FAM227A: variants seen among roughly 807,000 people sequenced by gnomAD.
The protein encoded by FAM227A is protein FAM227A.
A neutral mutation model predicts 74.7 loss-of-function variants in FAM227A; 80 were observed. That is an observed-to-expected ratio of 1.07 (90% CI 0.89 to 1.29). The LOEUF (loss-of-function observed/expected upper bound fraction) is 1.29. Among genes scored for constraint, FAM227A ranks in the 50% most tolerant of loss-of-function variants. FAM227A has a pLI of 0.00. For missense variants in FAM227A, 654 were observed against 683.4 expected, an observed-to-expected ratio of 0.96 and a Z score of 0.48; for synonymous variants, 237 against 241.8, an observed-to-expected ratio of 0.98 and a Z score of 0.19.
chr22:38,612,782 C>A (rs567011267), intron 11 of FAM227A, among the ~76,000 whole-genome samples: 1 of 151,834 alleles, frequency 6.6e-6, no homozygotes, highest in African/African-American at 2.4e-5. Context: ...ACATCCAGTC[C>A]TCAGTCACAC....
chr22:38,651,431 T>C (rs915516685), intron 1 of FAM227A, among the ~76,000 whole-genome samples: 2 of 152,170 alleles, frequency 1.3e-5, no homozygotes, highest in African/African-American at 2.4e-5. Context: ...TGGAGTGCAG[T>C]GGCGCGATCT....
chr22:38,592,059 C>T (rs2090949704), intron 15 of FAM227A, among the ~76,000 whole-genome samples: 1 of 151,906 alleles, frequency 6.6e-6, no homozygotes, highest in South Asian at 2.1e-4. Flanking sequence ...AGCGATTCTC[C>T]TGCCTCAGCC....
intron 15 of FAM227A, among the ~76,000 whole-genome samples, chr22:38,596,763 T>C (rs932303938): frequency 1.3e-4 from 20 of 151,918 alleles, no homozygotes; most frequent in African/African-American, 4.8e-4. Flanking sequence ...ATAAAATTTC[T>C]GAAAAAGGCA....
rs1017304801 is a variant in FAM227A at position 38,585,232 on chromosome 22, T to G, written c.*893A>C. ...TGTCCCTAGTTGCAGTATTATTTTT[T>G]GTTTTCTTATTTCTATTTTAGATTA... is the stretch of plus-strand genomic sequence containing the variant. On this transcript the variant is annotated 3_prime_UTR_variant, in exon 17 of 17. Transcript: ENST00000535113. 6.6e-6 allele frequency: 1 copy of G among 152,250 alleles called. No homozygotes were observed. Among genetic ancestry groups the G allele is most frequent in the African/African-American group, 2.4e-5 (1 of 41,452 alleles). The allele number at this position is 152,250 out of a possible 1,614,324, so 9.4% of individuals were successfully genotyped here.
intron 4 of FAM227A, among the ~76,000 whole-genome samples, chr22:38,639,409 GAA>G (rs532672330): frequency 5.7e-5 from 6 of 105,542 alleles, no homozygotes; most frequent in Admixed American, 1.0e-4. Context: ...ACTCCGTCTC[GAA>G]AAAAAAAAAA....
chr22:38,594,595 G>A (rs2091004345), intron 15 of FAM227A, among the ~76,000 whole-genome samples: 2 of 152,246 alleles, frequency 1.3e-5, no homozygotes, highest in Middle Eastern at 3.4e-3. Flanking sequence ...CTGCATTCCT[G>A]TGGTGTTGGT....
In FAM227A at chr22:38,583,171, CTTTTTT is replaced by C; in HGVS notation, c.*2948_*2953del. 8.2e-6 allele frequency: 2 copies of C among 244,508 alleles called. No individual in the cohort carries two copies. Among genetic ancestry groups the C allele is most frequent in the African/African-American group, 2.9e-5 (1 of 34,598 alleles). The allele number at this position is 244,508 out of a possible 1,614,324, so 15.1% of individuals were successfully genotyped here. A position where few individuals can be genotyped will look rare whatever the true frequency, so the allele number is the denominator to read the frequency against. On this transcript the variant is annotated 3_prime_UTR_variant, in exon 17 of 17. Transcript: ENST00000535113. ...CACGTTCTGGTTTCAGAAGACTATACTTTTTTTTTTTTTTTTTTGAGATGGAGTTTC... is the reference window on the plus strand; with the variant it reads ...CACGTTCTGGTTTCAGAAGACTATACTTTTTTTTTTTTGAGATGGAGTTTC...
intron 7 of FAM227A, 37 bp downstream of exon 7, chr22:38,628,797 T>C: frequency 8.2e-7 from 1 of 1,220,248 alleles, no homozygotes. Context: ...GAAAAATAAC[T>C]TAAGCAAGGC....
At chr22:38,640,697 C>T (rs141514255) in intron 3 of FAM227A, among the ~76,000 whole-genome samples, 2 of 152,304 alleles carry the variant, frequency 1.3e-5, no homozygotes, top group Non-Finnish European at 2.9e-5. Flanking sequence ...TGCTAAACTG[C>T]TGTGATTACG....
chr22:38,640,882 C>T (rs1026937428), intron 3 of FAM227A, among the ~76,000 whole-genome samples: 3 of 151,998 alleles, frequency 2.0e-5, no homozygotes, highest in Admixed American at 6.6e-5. Context: ...GTGAAAGGTA[C>T]TGGGCATGTG....
Position 38,626,171 on chromosome 22 carries a change from A to G in FAM227A, c.850+9T>C. ...TCGCTTTCCCCGGTGGAAAAAAGTCACCTCTCACCTGAAATCCACAGGCTC... is the reference window on the plus strand; with the variant it reads ...TCGCTTTCCCCGGTGGAAAAAAGTCGCCTCTCACCTGAAATCCACAGGCTC... On this transcript the variant is annotated intron_variant, in intron 9 of 16. Transcript: ENST00000535113. 6.5e-7 allele frequency: 1 copy of G among 1,549,336 alleles called. No homozygotes were observed. The highest frequency in any genetic ancestry group is 8.7e-7 in the Non-Finnish European group (1 of 1,146,162).
At position 38,599,939 on chromosome 22, in the gene FAM227A, A is replaced by C; in HGVS notation, c.1222-18T>G. 6.6e-7 allele frequency: 1 copy of C among 1,525,760 alleles called. No individual in the cohort carries two copies. Among genetic ancestry groups the C allele is most frequent in the African/African-American group, 1.4e-5 (1 of 71,440 alleles). 94.5% of individuals were successfully genotyped at this position (1,525,760 alleles called of 1,614,324 possible). A position where few individuals can be genotyped will look rare whatever the true frequency, so the allele number is the denominator to read the frequency against. On this transcript the variant is annotated intron_variant, in intron 13 of 16. Transcript: ENST00000535113. The stretch of plus-strand genomic sequence containing the variant: ...GCACACGACTAAGGATGAAAGAAAA[A>C]GGAAAAATAAAGGATATTGTCATTT...
intron 3 of FAM227A, among the ~76,000 whole-genome samples, chr22:38,644,290 A>C (rs562355515): frequency 6.6e-6 from 1 of 151,216 alleles, no homozygotes; most frequent in Admixed American, 6.6e-5. Flanking sequence ...TAAAAACAAC[A>C]GTGGTTCCCA....
At chr22:38,649,024 A>G (rs1017520845) in intron 2 of FAM227A, among the ~76,000 whole-genome samples, 1 of 151,948 alleles carries the variant, frequency 6.6e-6, no homozygotes, top group Non-Finnish European at 1.5e-5. Flanking sequence ...CTGAGGGTGG[A>G]GGGTTGCACC....
chr22:38,655,949 C>G (rs1201357300), intron 1 of FAM227A, among the ~76,000 whole-genome samples, 171 bp downstream of exon 1: 2 of 152,200 alleles, frequency 1.3e-5, no homozygotes, highest in Non-Finnish European at 2.9e-5. Flanking sequence ...TTTTAGGACT[C>G]TAGGAGATCT....
intron 5 of FAM227A, among the ~76,000 whole-genome samples, 173 bp from the exon 6 acceptor site, chr22:38,636,770 C>CTT (rs34040804): frequency 7.6e-5 from 9 of 118,778 alleles, no homozygotes; most frequent in African/African-American, 1.4e-4. Flanking sequence ...TACATTATTT[C>CTT]TTTTTTTTTT....
intron 3 of FAM227A, 66 bp downstream of exon 3, chr22:38,645,497 C>T: frequency 9.5e-7 from 1 of 1,057,414 alleles, no homozygotes; most frequent in Non-Finnish European, 1.4e-6. Flanking sequence ...CACTGCAACA[C>T]CTTGATGATC....
chr22:38,622,433 G>A (rs1369743338), intron 10 of FAM227A, among the ~76,000 whole-genome samples: 2 of 152,236 alleles, frequency 1.3e-5, no homozygotes, highest in Non-Finnish European at 2.9e-5. Context: ...TCCCAGTGCT[G>A]AGCAGAGTGC....
intron 10 of FAM227A, among the ~76,000 whole-genome samples, chr22:38,621,334 A>G (rs2091684792): frequency 6.7e-6 from 1 of 148,820 alleles, no homozygotes; most frequent in Non-Finnish European, 1.5e-5. Flanking sequence ...TGGGTGACAC[A>G]GAAAGACTCT....
Sources: allele counts gnomAD v4.1 joint callset (sites outside exome capture counted in the v4.1 genomes callset), GRCh38; gene constraint gnomAD v4.1.1; transcripts MANE v1.5; gene names NCBI Gene and HGNC (gene_info 2026-07-23, HGNC 2026-07-21).